IQCB1: variants seen among roughly 807,000 people sequenced by gnomAD.
The protein encoded by IQCB1 is IQ calmodulin-binding motif-containing protein 1.
In IQCB1, 56 loss-of-function variants were observed where a neutral mutation model predicts 84.4. The observed-to-expected ratio is 0.66, with a 90% CI of 0.54 to 0.83. IQCB1 has a LOEUF of 0.83. IQCB1 is among the 40% of genes least tolerant of loss of function. The pLI is 0.00. For missense variants in IQCB1, 629 were observed against 682.1 expected (o/e 0.92, Z 0.87); for synonymous variants, 210 against 234.8 (o/e 0.89, Z 0.96).
At chr3:121,831,775 C>A (rs1950649492) in intron 2 of IQCB1, among the ~76,000 whole-genome samples, 1 of 152,158 alleles carries the variant, frequency 6.6e-6, no homozygotes, top group African/African-American at 2.4e-5. Flanking sequence ...ATTCATATAT[C>A]TCTTATTAGG....
chr3:121,819,220 A>G (rs6802026), intron 5 of IQCB1, among the ~76,000 whole-genome samples: 151,643 of 152,306 alleles, frequency 1, 75,496 homozygotes, highest in East Asian at 1. Flanking sequence ...CCTGCAACTA[A>G]AGAGTCTCAT....
chr3:121,792,154 A>G (rs550438755), intron 10 of IQCB1, among the ~76,000 whole-genome samples: 1 of 152,348 alleles, frequency 6.6e-6, no homozygotes, highest in Admixed American at 6.5e-5. Flanking sequence ...TATAATGTCT[A>G]ATACTGCATT....
At position 121,777,039 on chromosome 3, in the gene IQCB1, T is replaced by C. The variant is rs112063678; in HGVS notation, c.1411-4326A>G. ...AATTTTCCTTTTTGAATCATGCTTC[T>C]GGTATTGTATTCAAGAAAGGTCACA... On this transcript the variant is annotated intron_variant, in intron 13 of 14. Coordinates refer to ENST00000310864, the MANE Select transcript of IQCB1 (RefSeq NM_001023570.4). 9.2e-5 allele frequency among the ~76,000 whole-genome samples: 14 copies of C among 152,328 alleles called. 1 individual carries two copies. Among genetic ancestry groups the C allele is most frequent in the South Asian group, 4.1e-4 (2 of 4,828 alleles).
chr3:121,791,028 A>C (rs1397124499), intron 10 of IQCB1, among the ~76,000 whole-genome samples: 1 of 152,184 alleles, frequency 6.6e-6, no homozygotes, highest in Non-Finnish European at 1.5e-5. Context: ...TGTTGCTTCC[A>C]ATATCACTAT....
At chr3:121,814,768 A>C (rs1281693990) in intron 5 of IQCB1, among the ~76,000 whole-genome samples, 1 of 152,230 alleles carries the variant, frequency 6.6e-6, no homozygotes, top group East Asian at 1.9e-4. Flanking sequence ...GCAGTAATTA[A>C]TGGCCTACCA....
chr3:121,772,538 A>C lies in IQCB1; in HGVS notation c.1567+19T>G. The C allele has an allele frequency of 6.2e-7, 1 of 1,614,002 alleles. No individual in the cohort carries two copies. The highest frequency in any genetic ancestry group is 8.5e-7 in the Non-Finnish European group (1 of 1,179,840). On this transcript the variant is annotated intron_variant, in intron 14 of 14. Coordinates refer to ENST00000310864, the MANE Select transcript of IQCB1 (RefSeq NM_001023570.4). ...ATAGGTTGTTCCTTTTAGAGAACGA[A>C]AGTAAAATGAGCACATACTCATTAG...
intron 5 of IQCB1, among the ~76,000 whole-genome samples, chr3:121,822,931 T>C (rs1576611387): frequency 6.6e-6 from 1 of 152,106 alleles, no homozygotes; most frequent in Non-Finnish European, 1.5e-5. Context: ...GCAGAAAAAT[T>C]TGACCCAGAT....
chr3:121,786,363 G>A (rs1948738949), intron 12 of IQCB1, among the ~76,000 whole-genome samples: 1 of 150,698 alleles, frequency 6.6e-6, no homozygotes, highest in Non-Finnish European at 1.5e-5. Context: ...CAGGCATGGT[G>A]GTTCATGCCT....
chr3:121,826,270 G>T, intron 4 of IQCB1, 90 bp from the exon 5 acceptor site: 1 of 1,255,438 alleles, frequency 8.0e-7, no homozygotes, highest in Non-Finnish European at 1.2e-6. Context: ...AGAATTTTTA[G>T]TATGCTTCTT....
At chr3:121,775,329 A>G (rs1272019493) in intron 13 of IQCB1, among the ~76,000 whole-genome samples, 1 of 152,240 alleles carries the variant, frequency 6.6e-6, no homozygotes, top group Non-Finnish European at 1.5e-5. Context: ...TTGCAGAGAC[A>G]TGGATGAAGC....
chr3:121,775,046 A>G (rs1009129342), intron 13 of IQCB1, among the ~76,000 whole-genome samples: 1 of 152,186 alleles, frequency 6.6e-6, no homozygotes, highest in African/African-American at 2.4e-5. Context: ...TTTGTAAATG[A>G]TTAAAACTGT....
At position 121,802,785 on chromosome 3, in the gene IQCB1, T is replaced by C. The variant is rs147233976; in HGVS notation, c.588-3411A>G. Among the ~76,000 whole-genome samples the C allele has an allele frequency of 1.8e-3, 280 of 152,330 alleles. 3 individuals are homozygous for C. The East Asian group carries it at 0.037, about 20-fold the overall frequency. On this transcript the variant is annotated intron_variant, in intron 7 of 14. Coordinates refer to ENST00000310864, the MANE Select transcript of IQCB1 (RefSeq NM_001023570.4). Reference sequence around the variant, plus strand: ...GAGATTTTTCTTCTTTTCTAATATATAGGCATTAGTGATATAAATTTCCCC... The same window carrying C: ...GAGATTTTTCTTCTTTTCTAATATACAGGCATTAGTGATATAAATTTCCCC...
At chr3:121,822,167 T>C (rs889703451) in intron 5 of IQCB1, among the ~76,000 whole-genome samples, 6 of 152,248 alleles carry the variant, frequency 3.9e-5, no homozygotes, top group Admixed American at 1.3e-4. Context: ...ACTCAGACTA[T>C]ACCATCAGCT....
intron 10 of IQCB1, among the ~76,000 whole-genome samples, chr3:121,793,430 C>A (rs545302251): frequency 6.6e-6 from 1 of 151,984 alleles, no homozygotes; most frequent in African/African-American, 2.4e-5. Flanking sequence ...TCTCCCAAAA[C>A]CATGGGAAGG....
At position 121,790,114 on chromosome 3, in the gene IQCB1, G is replaced by A. The variant is rs747794959; in HGVS notation, c.1088C>T (p.Ser363Phe). ...QLQRQRAMRL[S>F]RELQLSMLEI... is the part of the protein sequence containing the mutation. ...GAGCATACTCAGCTGCAATTCTCGGGAAAGTCTCATGGCTCTCTGTCTTTG... is the reference window on the plus strand; with the variant it reads ...GAGCATACTCAGCTGCAATTCTCGGAAAAGTCTCATGGCTCTCTGTCTTTG... Residue 363 changes from serine to phenylalanine, a missense_variant, in exon 11 of 15, where the codon TCC becomes TTC. Ser to Phe is a radical substitution (Grantham distance 155). Coordinates refer to ENST00000310864, the MANE Select transcript of IQCB1 (RefSeq NM_001023570.4). 1.2e-6 allele frequency: 2 copies of A among 1,613,632 alleles called. No homozygotes were observed. The highest frequency in any genetic ancestry group is 1.7e-6 in the Non-Finnish European group (2 of 1,179,718).
chr3:121,774,202 G>T (rs1318173181), intron 13 of IQCB1, among the ~76,000 whole-genome samples: 1 of 152,106 alleles, frequency 6.6e-6, no homozygotes, highest in East Asian at 1.9e-4. Context: ...CACTAATTAG[G>T]AAAGTGCAAG....
chr3:121,828,565 A>G lies in IQCB1; in HGVS notation c.168T>C (p.Tyr56=). The G allele has an allele frequency of 6.2e-7, 1 of 1,600,096 alleles. No homozygotes were observed. Among genetic ancestry groups the G allele is most frequent in the African/African-American group, 1.3e-5 (1 of 74,780 alleles). ...LKKIKQDIYC[Y]DLIQYCLLVL... ...CCAAGAGGCAATATTGAATGAGATC[A>G]TAACAATATATATCTTGTTTGATTT... Residue 56 remains tyrosine (Y), a synonymous_variant, in exon 4 of 15, where the codon TAT becomes TAC. Transcript: ENST00000310864.
chr3:121,786,328 T>C (rs1948737151), intron 12 of IQCB1, among the ~76,000 whole-genome samples: 1 of 151,534 alleles, frequency 6.6e-6, no homozygotes, highest in African/African-American at 2.4e-5. Context: ...CTTTCTCTTT[T>C]CCTTCTTTGA....
chr3:121,816,478 C>G (rs1337493329), intron 5 of IQCB1, among the ~76,000 whole-genome samples: 3 of 152,058 alleles, frequency 2.0e-5, no homozygotes, highest in Non-Finnish European at 4.4e-5. Flanking sequence ...TCAGAGTGAA[C>G]AGGCAACCTA....
Sources: gnomAD v4.1 joint callset for allele counts (sites outside exome capture counted in the v4.1 genomes callset) on GRCh38, gnomAD v4.1.1 for gene constraint, MANE v1.5 for transcripts, NCBI Gene and HGNC (gene_info 2026-07-23, HGNC 2026-07-21) for gene names.